RLN3: variants seen among roughly 807,000 people sequenced by gnomAD.
RLN3 encodes the protein relaxin-3.
RLN3 carries 13 observed loss-of-function variants against 10.2 expected under a neutral mutation model. The observed-to-expected ratio is 1.28, with a 90% CI of 0.83 to 2.03. The LOEUF (loss-of-function observed/expected upper bound fraction) is 2.03. Among genes scored for constraint, RLN3 ranks in the 30% most tolerant of loss-of-function variants. RLN3 has a pLI of 0.00. For missense variants in RLN3, 191 were observed against 187.2 expected, an observed-to-expected ratio of 1.02 and a Z score of -0.12; for synonymous variants, 56 against 79.2, an observed-to-expected ratio of 0.71 and a Z score of 1.56.
In RLN3 at chr19:14,030,829, C is replaced by G. The variant is rs573387381; in HGVS notation, c.310C>G (p.Arg104Gly). The G allele has an allele frequency of 6.2e-7, 1 of 1,613,616 alleles. No homozygotes were observed. The highest frequency in any genetic ancestry group is 1.1e-5 in the South Asian group (1 of 91,058). The change falls in exon 2 of 2, where the codon CGA becomes GGA. Residue 104 changes from arginine to glycine, a missense_variant. Arg to Gly is a moderately radical substitution (Grantham distance 125). Transcript: ENST00000431365. ...TKSPQAFYRG[R>G]PSWQGTPGVL... ...GTCACCCCAGGCCTTTTACAGGGGGCGACCCAGCTGGCAAGGAACCCCTGG... is the reference window on the plus strand; with the variant it reads ...GTCACCCCAGGCCTTTTACAGGGGGGGACCCAGCTGGCAAGGAACCCCTGG...
intron 1 of RLN3, among the ~76,000 whole-genome samples, chr19:14,028,864 T>G (rs1215038749): frequency 6.6e-6 from 1 of 152,004 alleles, no homozygotes; most frequent in African/African-American, 2.4e-5. Context: ...AGCCTCGACC[T>G]CCCAGGCTCA....
In RLN3 at chr19:14,030,717, C is replaced by CTT; in HGVS notation, c.199_200dup (p.Pro68SerfsTer27). On this transcript the variant is annotated frameshift_variant, in exon 2 of 2. Coordinates refer to ENST00000431365, the MANE Select transcript of RLN3 (RefSeq NM_080864.4). LOFTEE classifies it low-confidence loss of function (END_TRUNC). ...TCTGTTCATCTTTTGCAGGAGATAC[C>CTT]TTCCCGGATGCAGATGCTGATGAAG... 1.2e-6 allele frequency: 2 copies of CTT among 1,614,092 alleles called. No individual in the cohort carries two copies. Among genetic ancestry groups the CTT allele is most frequent in the Non-Finnish European group, 1.7e-6 (2 of 1,179,914 alleles).
At chr19:14,028,487 G>A (rs1467838992) in intron 1 of RLN3, 93 bp downstream of exon 1, 47 of 1,188,512 alleles carry the variant, frequency 4.0e-5, no homozygotes, top group Non-Finnish European at 5.0e-5. Context: ...GTTGCTGGAG[G>A]AGGAGGGTCC....
intron 1 of RLN3, chr19:14,030,251 A>C: frequency 1.4e-6 from 1 of 702,982 alleles, no homozygotes; most frequent in Non-Finnish European, 2.6e-6. Flanking sequence ...GCAGAAAAGA[A>C]CATTGAGGCT....
At chr19:14,028,757 T>C (rs1975753989) in intron 1 of RLN3, among the ~76,000 whole-genome samples, 1 of 152,212 alleles carries the variant, frequency 6.6e-6, no homozygotes, top group South Asian at 2.1e-4. Flanking sequence ...CCCCAGCAAG[T>C]TGGTTTTTCT....
chr19:14,031,257 CA>C lies in RLN3; in HGVS notation c.*310del, dbSNP rs1295617211. The C allele has an allele frequency of 2.1e-5, 7 of 337,362 alleles. No individual in the cohort carries two copies. The highest frequency in any genetic ancestry group is 3.3e-5 in the Non-Finnish European group (6 of 183,718). 20.9% of individuals were successfully genotyped at this position (337,362 alleles called of 1,614,324 possible). A position where few individuals can be genotyped will look rare whatever the true frequency, so the allele number is the denominator to read the frequency against. ...ATGCGTTTGCCTGGCCTACACACTC[CA>C]CTGCCACAACTGGGTCCCTACTCTA... On this transcript the variant is annotated 3_prime_UTR_variant, in exon 2 of 2. Coordinates refer to ENST00000431365, the MANE Select transcript of RLN3 (RefSeq NM_080864.4).
Position 14,030,903 on chromosome 19 carries a change from C to G in RLN3, c.384C>G (p.Cys128Trp). 7 of 1,595,712 alleles carry G rather than the reference C, an allele frequency of 4.4e-6. No individual in the cohort carries two copies. The highest frequency in any genetic ancestry group is 6.0e-6 in the Non-Finnish European group (7 of 1,169,018). Residue 128 changes from cysteine (C) to tryptophan (W), a missense_variant, in exon 2 of 2, where the codon TGC (cysteine) becomes TGG (tryptophan). Physicochemically the swap from Cys to Trp is radical, Grantham distance 215. Transcript: ENST00000431365. ...RDVLAGLSSS[C>W]CKWGCSKSEI... ...TCCTGGCTGGCCTTTCCAGCAGCTG[C>G]TGCAAGTGGGGGTGTAGCAAAAGTG...
At position 14,031,341 on chromosome 19, in the gene RLN3, T is replaced by A. The variant is rs1001719499; in HGVS notation, c.*393T>A. The stretch of plus-strand genomic sequence containing the variant: ...TTCCCAGTCCAAACTGTGGCCATTG[T>A]CCCCTGACCAGCTAAAATCAAGCCT... On this transcript the variant is annotated 3_prime_UTR_variant, in exon 2 of 2. Coordinates refer to ENST00000431365, the MANE Select transcript of RLN3 (RefSeq NM_080864.4). The A allele has an allele frequency of 4.5e-6, 1 of 222,240 alleles. No homozygotes were observed. Among genetic ancestry groups the A allele is most frequent in the Non-Finnish European group, 8.9e-6 (1 of 112,548 alleles). The allele number at this position is 222,240 out of a possible 1,614,324, so 13.8% of individuals were successfully genotyped here.
At chr19:14,030,566 T>A (rs993498857) in intron 1 of RLN3, 144 bp from the exon 2 acceptor site, 7 of 803,228 alleles carry the variant, frequency 8.7e-6, no homozygotes, top group Admixed American at 7.7e-5. Context: ...GAGCCAGAAT[T>A]TGAACCCAGG....
Position 14,030,779 on chromosome 19 carries a change from C to T in RLN3, c.260C>T (p.Ser87Phe). 1 of 1,614,184 alleles carries T rather than the reference C, an allele frequency of 6.2e-7. No homozygotes were observed. The highest frequency in any genetic ancestry group is 8.5e-7 in the Non-Finnish European group (1 of 1,180,026). The stretch of plus-strand genomic sequence containing the variant: ...GGCGAGCTGGATGAGGCCATGGGGT[C>T]CAGCGAGTGGCTGGCCCTGACCAAG... ...LAGELDEAMGSSEWLALTKSP... is the reference protein window; with the variant it reads ...LAGELDEAMGFSEWLALTKSP... Residue 87 changes from serine (S) to phenylalanine (F), a missense_variant, in exon 2 of 2, where the codon TCC (serine) becomes TTC (phenylalanine). Ser to Phe is a radical substitution (Grantham distance 155, BLOSUM62 -2). Coordinates refer to ENST00000431365, the MANE Select transcript of RLN3 (RefSeq NM_080864.4).
chr19:14,029,737 G>A (rs895063432), intron 1 of RLN3, among the ~76,000 whole-genome samples: 4 of 151,856 alleles, frequency 2.6e-5, no homozygotes, highest in Admixed American at 2.0e-4. Context: ...GGTTATCACT[G>A]AGAAGAATAA....
Position 14,030,987 on chromosome 19 carries a change from C to A in RLN3, c.*39C>A. The A allele has an allele frequency of 7.4e-7, 1 of 1,349,340 alleles. No homozygotes were observed. Among genetic ancestry groups the A allele is most frequent in the Non-Finnish European group, 1.0e-6 (1 of 978,208 alleles). The allele number at this position is 1,349,340 out of a possible 1,614,324, so 83.6% of individuals were successfully genotyped here. A position where few individuals can be genotyped will look rare whatever the true frequency, so the allele number is the denominator to read the frequency against. On this transcript the variant is annotated 3_prime_UTR_variant, in exon 2 of 2. Transcript: ENST00000431365. ...CAGCCGTGGGCACCAGGACCAATGC[C>A]CCAGTCCTGCCATCCACTCAACTAG...
At chr19:14,030,342 C>T (rs1975779662) in intron 1 of RLN3, 1 of 701,398 alleles carries the variant, frequency 1.4e-6, no homozygotes, top group South Asian at 1.5e-5. Flanking sequence ...GTACCAGGTC[C>T]TCAATTAATA....
chr19:14,030,331 T>A, intron 1 of RLN3: 1 of 702,968 alleles, frequency 1.4e-6, no homozygotes, highest in East Asian at 2.7e-5. Context: ...AGCTCCCAAA[T>A]GTACCAGGTC....
In RLN3 at chr19:14,031,114, A is replaced by G. The variant is rs922300459; in HGVS notation, c.*166A>G. The G allele has an allele frequency of 8.2e-6, 5 of 607,908 alleles. No individual in the cohort carries two copies. The highest frequency in any genetic ancestry group is 3.0e-5 in the Admixed American group (1 of 32,844). The allele number at this position is 607,908 out of a possible 1,614,324, so 37.7% of individuals were successfully genotyped here. ...CAGGCACAGTCTCCCGACACCACCT[A>G]TCCAACCCTGCCCTTTGACCAGCCT... On this transcript the variant is annotated 3_prime_UTR_variant, in exon 2 of 2. Coordinates refer to ENST00000431365, the MANE Select transcript of RLN3 (RefSeq NM_080864.4).
In RLN3 at chr19:14,031,236, G is replaced by T. The variant is rs538308570; in HGVS notation, c.*288G>T. 2.8e-5 allele frequency: 11 copies of T among 397,356 alleles called. No homozygotes were observed. The South Asian group carries it at 3.2e-4, about 12-fold the overall frequency. The allele number at this position is 397,356 out of a possible 1,614,324, so 24.6% of individuals were successfully genotyped here. Reference sequence around the variant, plus strand: ...GACCTCTCCCCAGCCCTAACCATGCGTTTGCCTGGCCTACACACTCCACTG... The same window carrying T: ...GACCTCTCCCCAGCCCTAACCATGCTTTTGCCTGGCCTACACACTCCACTG... On this transcript the variant is annotated 3_prime_UTR_variant, in exon 2 of 2. Transcript: ENST00000431365.
In RLN3 at chr19:14,028,335, T is replaced by A; in HGVS notation, c.131T>A (p.Ile44Asn). ...LCGREFIRAV[I>N]FTCGGSRWRR... ...GGCCGAGAATTCATCCGAGCAGTCATCTTCACCTGCGGGGGCTCCCGGTGG... is the reference window on the plus strand; with the variant it reads ...GGCCGAGAATTCATCCGAGCAGTCAACTTCACCTGCGGGGGCTCCCGGTGG... Residue 44 changes from isoleucine to asparagine, a missense_variant, in exon 1 of 2, where the codon ATC becomes AAC. Transcript: ENST00000431365. The A allele has an allele frequency of 6.2e-7, 1 of 1,613,758 alleles. No homozygotes were observed. Among genetic ancestry groups the A allele is most frequent in the Non-Finnish European group, 8.5e-7 (1 of 1,179,936 alleles).
Position 14,030,832 on chromosome 19 carries a change from C to A in RLN3, c.313C>A (p.Pro105Thr). 1.2e-6 allele frequency: 2 copies of A among 1,613,738 alleles called. No individual in the cohort carries two copies. Among genetic ancestry groups the A allele is most frequent in the East Asian group, 2.2e-5 (1 of 44,882 alleles). Residue 105 changes from proline to threonine, a missense_variant, in exon 2 of 2, where the codon CCC becomes ACC. Coordinates refer to ENST00000431365, the MANE Select transcript of RLN3 (RefSeq NM_080864.4). ...KSPQAFYRGRPSWQGTPGVLR... is the reference protein window; with the variant it reads ...KSPQAFYRGRTSWQGTPGVLR... ...ACCCCAGGCCTTTTACAGGGGGCGA[C>A]CCAGCTGGCAAGGAACCCCTGGGGT...
At chr19:14,029,806 A>AATT (rs58482695) in intron 1 of RLN3, among the ~76,000 whole-genome samples, 28,575 of 142,090 alleles carry the variant, frequency 0.2, 3,252 homozygotes, top group East Asian at 0.35. Flanking sequence ...GTGATCAATA[A>AATT]ATTATTATTA....
Sources: allele counts gnomAD v4.1 joint callset (sites outside exome capture counted in the v4.1 genomes callset), GRCh38; gene constraint gnomAD v4.1.1; transcripts MANE v1.5; gene names NCBI Gene and HGNC (gene_info 2026-07-23, HGNC 2026-07-21).